Variants in FAM120C observed in about 807,000 individuals in gnomAD.
FAM120C encodes the protein family with sequence similarity 120 member C.
In FAM120C, 14 loss-of-function variants were observed where a neutral mutation model predicts 71.2. That is an observed-to-expected ratio of 0.20 (90% CI 0.13 to 0.31). FAM120C has a LOEUF of 0.31. Ranked by LOEUF, FAM120C falls within the 10% of genes least tolerant of loss-of-function variation. The probability of loss-of-function intolerance (pLI) is 1.00; values close to 1 mark genes in which losing one functional copy is unlikely to be tolerated. For synonymous variants in FAM120C, 354 were observed against 353.2 expected (o/e 1.00, Z -0.03); for missense variants, 500 against 879.0 (o/e 0.57, Z 5.45).
At position 54,159,392 on chromosome X, in the gene FAM120C, G is replaced by A. The variant is rs781786168; in HGVS notation, c.924C>T (p.Phe308=). The A allele has an allele frequency of 2.5e-6, 3 of 1,209,884 alleles. No individual in the cohort carries two copies. Among genetic ancestry groups the A allele is most frequent in the Non-Finnish European group, 3.4e-6 (3 of 895,232 alleles). ...TACCTAGCAGTGCAGCAAATATGGG[G>A]AAATTCATCCTCTTCAGGCCCAGCT... ...AKQLGLKRMN[F]PIFAALLGNH... is the part of the protein sequence containing the mutation. The change falls in exon 2 of 16, where the codon TTC becomes TTT. Residue 308 remains phenylalanine, a synonymous_variant. Coordinates refer to ENST00000375180, the MANE Select transcript of FAM120C (RefSeq NM_017848.6).
At chrX:54,133,204 T>C (rs1314889499) in intron 8 of FAM120C, among the ~76,000 whole-genome samples, 1 of 111,794 alleles carries the variant, frequency 8.9e-6, no homozygotes, top group Non-Finnish European at 1.9e-5. Context: ...CCAGGTGTGG[T>C]GGCAGGTGCC....
intron 9 of FAM120C, among the ~76,000 whole-genome samples, chrX:54,128,306 G>A (rs1557128404): frequency 8.9e-6 from 1 of 111,904 alleles, no homozygotes; most frequent in African/African-American, 3.2e-5. Context: ...TGATCTGCCC[G>A]CCTCAGCCTC....
At chrX:54,163,895 T>C (rs868986962) in intron 1 of FAM120C, among the ~76,000 whole-genome samples, 79 of 108,868 alleles carry the variant, frequency 7.3e-4, no homozygotes, top group African/African-American at 2.4e-3. Flanking sequence ...TGTGTGTGTG[T>C]GTGTGTGTGT....
chrX:54,131,748 T>TTTTC (rs1291396219), intron 9 of FAM120C, among the ~76,000 whole-genome samples: 3 of 106,868 alleles, frequency 2.8e-5, no homozygotes, highest in African/African-American at 1.0e-4. Context: ...TGTTTTTCTT[T>TTTTC]TTTCTTTCTT....
chrX:54,158,242 G>A (rs2067219623), intron 2 of FAM120C, among the ~76,000 whole-genome samples: 1 of 111,816 alleles, frequency 8.9e-6, no homozygotes, highest in Admixed American at 9.5e-5. Flanking sequence ...ATTATTATCC[G>A]CATTTCACAG....
At chrX:54,111,047 G>A (rs967717307) in intron 10 of FAM120C, among the ~76,000 whole-genome samples, 9 of 106,551 alleles carry the variant, frequency 8.4e-5, no homozygotes, top group Admixed American at 7.2e-4. Flanking sequence ...GTGACAGAGC[G>A]AGACTCTGTC....
At chrX:54,132,068 T>G (rs1384728381) in intron 9 of FAM120C, among the ~76,000 whole-genome samples, 1 of 108,408 alleles carries the variant, frequency 9.2e-6, no homozygotes, top group Non-Finnish European at 1.9e-5. Flanking sequence ...ATTATTATTA[T>G]TTTTTGAGAC....
intron 9 of FAM120C, among the ~76,000 whole-genome samples, chrX:54,129,838 C>T (rs2067054312): frequency 1.8e-5 from 2 of 111,531 alleles, no homozygotes; most frequent in Admixed American, 9.5e-5. Context: ...GCCAACACAG[C>T]GAAACCCGGT....
intron 9 of FAM120C, among the ~76,000 whole-genome samples, chrX:54,118,922 A>T (rs1467333376): frequency 2.6e-5 from 1 of 37,758 alleles, no homozygotes; most frequent in Non-Finnish European, 4.6e-5. Context: ...TGTCCATGTG[A>T]TCTCATTGTT....
At chrX:54,081,298 A>C (rs1569531445) in intron 14 of FAM120C, 24 bp downstream of exon 14, 1 of 1,195,624 alleles carries the variant, frequency 8.4e-7, no homozygotes, top group Admixed American at 2.3e-5. Flanking sequence ...GGACTAGCTC[A>C]TATCAACCTA....
intron 3 of FAM120C, among the ~76,000 whole-genome samples, chrX:54,154,808 G>A (rs1331742953): frequency 9.0e-6 from 1 of 111,002 alleles, no homozygotes; most frequent in Non-Finnish European, 1.9e-5. Flanking sequence ...GAGTTCAAAG[G>A]AGAGGTCAGA....
intron 1 of FAM120C, among the ~76,000 whole-genome samples, chrX:54,172,633 C>A: frequency 8.9e-6 from 1 of 111,919 alleles, no homozygotes; most frequent in Admixed American, 9.5e-5. Context: ...AGTCAGGTTA[C>A]ATCAAATTCT....
At chrX:54,147,013 T>C (rs1324988138) in intron 4 of FAM120C, among the ~76,000 whole-genome samples, 1 of 108,768 alleles carries the variant, frequency 9.2e-6, no homozygotes, top group Non-Finnish European at 2.0e-5. Flanking sequence ...TGCAGAACTA[T>C]GTAATTAAAA....
chrX:54,142,236 G>A (rs1054034282), intron 4 of FAM120C, among the ~76,000 whole-genome samples: 1 of 111,691 alleles, frequency 9.0e-6, no homozygotes, highest in African/African-American at 3.2e-5. Flanking sequence ...GGGGCTTGTT[G>A]GACAGTGGGT....
chrX:54,133,746 G>C (rs1557129847), intron 8 of FAM120C, 27 bp downstream of exon 8: 2 of 1,200,245 alleles, frequency 1.7e-6, no homozygotes, highest in East Asian at 5.9e-5. Context: ...TAAGAGCAGG[G>C]AGGTAGGTGC....
At chrX:54,126,983 C>T (rs1020203586) in intron 9 of FAM120C, among the ~76,000 whole-genome samples, 12 of 112,187 alleles carry the variant, frequency 1.1e-4, no homozygotes, top group South Asian at 7.4e-4. Context: ...AGTCTAAGAT[C>T]AAGGTATTGG....
intron 9 of FAM120C, among the ~76,000 whole-genome samples, chrX:54,117,361 A>AC (rs2066974321): frequency 1.2e-5 from 1 of 81,079 alleles, no homozygotes; most frequent in African/African-American, 4.9e-5. Context: ...TCTAAAAATA[A>AC]AATAAAATAA....
At chrX:54,141,691 T>C (rs939997828) in intron 4 of FAM120C, among the ~76,000 whole-genome samples, 1 of 110,237 alleles carries the variant, frequency 9.1e-6, no homozygotes, top group Non-Finnish European at 1.9e-5. Context: ...CCATAGACAA[T>C]ATGATCACCT....
intron 8 of FAM120C, 67 bp downstream of exon 8, chrX:54,133,706 T>C: frequency 9.1e-7 from 1 of 1,094,774 alleles, no homozygotes; most frequent in Admixed American, 2.5e-5. Context: ...CTCTGTAACT[T>C]ACAGTCCTAG....
Sources: allele counts gnomAD v4.1 joint callset (sites outside exome capture counted in the v4.1 genomes callset), GRCh38; gene constraint gnomAD v4.1.1; transcripts MANE v1.5; gene names NCBI Gene and HGNC (gene_info 2026-07-23, HGNC 2026-07-21).